WDR7: variants seen among roughly 807,000 people sequenced by gnomAD.
The protein encoded by WDR7 is WD repeat-containing protein 7.
A neutral mutation model predicts 169.4 loss-of-function variants in WDR7; 46 were observed. The ratio of observed to expected loss-of-function variants is 0.27; its 90% CI spans 0.21 to 0.35. The LOEUF is 0.35. Among genes scored for constraint, WDR7 ranks in the 10% least tolerant of loss-of-function variants. WDR7 has a pLI of 1.00. For missense variants in WDR7, 1,534 were observed against 1,859.3 expected, an observed-to-expected ratio of 0.83 and a Z score of 3.22; for synonymous variants, 612 against 666.8, an observed-to-expected ratio of 0.92 and a Z score of 1.27.
intron 21 of WDR7, among the ~76,000 whole-genome samples, chr18:56,888,782 G>C (rs187065016): frequency 8.3e-4 from 127 of 152,288 alleles, no homozygotes; most frequent in African/African-American, 2.9e-3. Flanking sequence ...CTTTGGGCAA[G>C]TGTCGTAAGT....
chr18:56,691,362 G>A lies in WDR7; in HGVS notation c.863+1G>A. The A allele has an allele frequency of 6.3e-7, 1 of 1,583,482 alleles. No homozygotes were observed. Among genetic ancestry groups the A allele is most frequent in the Non-Finnish European group, 8.5e-7 (1 of 1,172,504 alleles). ...GTTATATTTACAAACTACCTGCCAG[G>A]TATGCAGCAAGTAATAAATTAGGAC... is the stretch of plus-strand genomic sequence containing the variant. On this transcript the variant is annotated splice_donor_variant, in intron 8 of 27. Coordinates refer to ENST00000254442, the MANE Select transcript of WDR7 (RefSeq NM_015285.3). LOFTEE classifies it high-confidence loss of function.
chr18:56,909,851 T>C (rs528522212), intron 21 of WDR7, among the ~76,000 whole-genome samples: 296 of 152,128 alleles, frequency 1.9e-3, no homozygotes, highest in African/African-American at 6.8e-3. Flanking sequence ...AAAAGAGGAG[T>C]TATATTTGAG....
At chr18:56,942,155 C>T (rs868292484) in intron 25 of WDR7, among the ~76,000 whole-genome samples, 2 of 152,086 alleles carry the variant, frequency 1.3e-5, no homozygotes, top group Non-Finnish European at 2.9e-5. Flanking sequence ...AGGCATGGTG[C>T]GTTTAAGGAC....
chr18:56,777,705 G>C (rs1472964796), intron 17 of WDR7, among the ~76,000 whole-genome samples: 1 of 152,088 alleles, frequency 6.6e-6, no homozygotes, highest in Admixed American at 6.6e-5. Flanking sequence ...TCATGAAAAA[G>C]CATTTTTCAA....
chr18:56,958,435 A>G (rs2047287916), intron 25 of WDR7, among the ~76,000 whole-genome samples: 2 of 152,304 alleles, frequency 1.3e-5, no homozygotes, highest in African/African-American at 2.4e-5. Flanking sequence ...GTGTGCTAAT[A>G]TAAATCTTTG....
chr18:56,766,246 G>A (rs118056040), intron 16 of WDR7, among the ~76,000 whole-genome samples: 445 of 152,216 alleles, frequency 2.9e-3, no homozygotes, highest in Non-Finnish European at 4.9e-3. Flanking sequence ...GTTCTTCAGT[G>A]TAGTGTTCTT....
chr18:56,951,718 T>C (rs2047186085), intron 25 of WDR7, among the ~76,000 whole-genome samples: 2 of 152,204 alleles, frequency 1.3e-5, no homozygotes, highest in South Asian at 4.1e-4. Context: ...TATATGTATA[T>C]ACACATGCAC....
chr18:56,926,436 C>T (rs2046809677), intron 22 of WDR7, among the ~76,000 whole-genome samples: 1 of 152,232 alleles, frequency 6.6e-6, no homozygotes, highest in Non-Finnish European at 1.5e-5. Context: ...CTGATCAAAA[C>T]ACAATTTCAG....
intron 21 of WDR7, among the ~76,000 whole-genome samples, chr18:56,897,976 A>G (rs2046352252): frequency 6.6e-6 from 1 of 151,992 alleles, no homozygotes; most frequent in African/African-American, 2.4e-5. Flanking sequence ...CTCCAGTAGC[A>G]AAGTCCATAC....
At chr18:56,856,404 C>T (rs1302361230) in intron 20 of WDR7, among the ~76,000 whole-genome samples, 2 of 152,072 alleles carry the variant, frequency 1.3e-5, no homozygotes, top group Non-Finnish European at 2.9e-5. Flanking sequence ...CAAGGTAACA[C>T]GTGCCTGTAA....
chr18:56,916,729 ACC>A (rs2046632696), intron 21 of WDR7, among the ~76,000 whole-genome samples: 1 of 152,212 alleles, frequency 6.6e-6, no homozygotes, highest in Non-Finnish European at 1.5e-5. Flanking sequence ...ATTAGTATAC[ACC>A]ACTGGCATTT....
In WDR7 at chr18:56,910,865, G is replaced by A. The variant is rs557196746; in HGVS notation, c.3527-13057G>A. ...ATCAGCGCATCCTTATTTGTAGAAG[G>A]GAGAGTATTTTGTGATTGACGTGAC... On this transcript the variant is annotated intron_variant, in intron 21 of 27. Transcript: ENST00000254442. Among the ~76,000 whole-genome samples the A allele has an allele frequency of 3.7e-4, 56 of 152,196 alleles. 1 individual carries two copies. The South Asian group carries it at 0.011, about 30-fold the overall frequency.
chr18:56,922,268 G>A (rs933113600), intron 21 of WDR7, among the ~76,000 whole-genome samples: 1 of 152,126 alleles, frequency 6.6e-6, no homozygotes, highest in African/African-American at 2.4e-5. Context: ...AATAATGTGT[G>A]CACTGTGGTT....
At chr18:56,679,253 A>G in intron 2 of WDR7, 79 bp from the exon 3 acceptor site, 2 of 1,209,946 alleles carry the variant, frequency 1.7e-6, no homozygotes, top group Non-Finnish European at 2.4e-6. Context: ...CTTCTATTTT[A>G]CTATGGCTAA....
intron 1 of WDR7, among the ~76,000 whole-genome samples, chr18:56,670,145 G>A (rs897226156): frequency 5.9e-5 from 9 of 152,048 alleles, no homozygotes; most frequent in African/African-American, 1.9e-4. Context: ...CTTAGAACTA[G>A]GTTTATGTGG....
At chr18:56,689,015 C>T (rs182618778) in intron 7 of WDR7, among the ~76,000 whole-genome samples, 53 of 152,190 alleles carry the variant, frequency 3.5e-4, no homozygotes, top group South Asian at 8.3e-4. Context: ...AAGAAAACTA[C>T]GGAACACTCA....
intron 19 of WDR7, among the ~76,000 whole-genome samples, chr18:56,801,194 CT>C (rs971576682): frequency 7.2e-5 from 11 of 152,182 alleles, no homozygotes; most frequent in Non-Finnish European, 1.5e-4. Context: ...TTTTTCAACC[CT>C]AGAAGACATT....
chr18:56,654,337 G>A (rs1382536279), intron 1 of WDR7, among the ~76,000 whole-genome samples: 1 of 152,128 alleles, frequency 6.6e-6, no homozygotes, highest in African/African-American at 2.4e-5. Context: ...TCACTATGTT[G>A]GCCAGGATGG....
intron 22 of WDR7, among the ~76,000 whole-genome samples, chr18:56,928,190 G>A (rs749706993): frequency 2.6e-5 from 4 of 152,178 alleles, no homozygotes; most frequent in East Asian, 1.9e-4. Flanking sequence ...GTGGCTGGAC[G>A]TGGTGGCTCA....
Sources: allele counts gnomAD v4.1 joint callset (sites outside exome capture counted in the v4.1 genomes callset), GRCh38; gene constraint gnomAD v4.1.1; transcripts MANE v1.5; gene names NCBI Gene and HGNC (gene_info 2026-07-23, HGNC 2026-07-21).